Variants in UBN2 observed in about 807,000 individuals in gnomAD.
UBN2 encodes ubinuclein-2.
A neutral mutation model predicts 120.2 loss-of-function variants in UBN2; 35 were observed. The ratio of observed to expected loss-of-function variants is 0.29; its 90% CI spans 0.22 to 0.39. The LOEUF is 0.39. Among genes scored for constraint, UBN2 ranks in the 10% least tolerant of loss-of-function variants. The probability of loss-of-function intolerance (pLI) is 1.00; values close to 1 mark genes in which losing one functional copy is unlikely to be tolerated. For synonymous variants in UBN2, 661 were observed against 648.7 expected, an observed-to-expected ratio of 1.02 and a Z score of -0.29; for missense variants, 1,693 against 1,663.2, an observed-to-expected ratio of 1.02 and a Z score of -0.31.
intron 17 of UBN2, among the ~76,000 whole-genome samples, chr7:139,294,687 A>G (rs1798060283): frequency 6.6e-6 from 1 of 152,172 alleles, no homozygotes; most frequent in Non-Finnish European, 1.5e-5. Flanking sequence ...TTAAAAATAC[A>G]AAAGTTAGCC....
At chr7:139,314,943 T>C in the UBN2 span, among the ~76,000 whole-genome samples, 1 of 151,562 alleles carries the variant, frequency 6.6e-6, no homozygotes, top group South Asian at 2.1e-4. Context: ...ATGTTCATTA[T>C]GGTTATATCT....
intron 3 of UBN2, among the ~76,000 whole-genome samples, chr7:139,255,164 A>G (rs1156392706): frequency 6.6e-6 from 1 of 152,146 alleles, no homozygotes; most frequent in Non-Finnish European, 1.5e-5. Flanking sequence ...TCAGAGTTCT[A>G]CCTTTTCCAG....
At chr7:139,314,944 G>T in the UBN2 span, among the ~76,000 whole-genome samples, 1 of 150,938 alleles carries the variant, frequency 6.6e-6, no homozygotes, top group South Asian at 2.1e-4. Context: ...TGTTCATTAT[G>T]GTTATATCTT....
chr7:139,246,590 C>T lies in UBN2; in HGVS notation c.562-5366C>T, dbSNP rs548403875. On this transcript the variant is annotated intron_variant, in intron 2 of 17. Transcript: ENST00000473989. ...ATAATTTAAATAAATATAATTCATCCGTTTTAAGCGTACAGTTTGATGGAT... is the reference window on the plus strand; with the variant it reads ...ATAATTTAAATAAATATAATTCATCTGTTTTAAGCGTACAGTTTGATGGAT... Among the ~76,000 whole-genome samples the T allele has an allele frequency of 6.6e-5, 10 of 152,192 alleles. No homozygotes were observed. The East Asian group carries it at 1.7e-3, about 26-fold the overall frequency.
intron 3 of UBN2, among the ~76,000 whole-genome samples, chr7:139,252,938 TC>T (rs910103282): frequency 2.0e-5 from 3 of 152,232 alleles, no homozygotes; most frequent in Admixed American, 2.0e-4. Flanking sequence ...ATTTTAGTGT[TC>T]TTTTTTTTTA....
intron 1 of UBN2, among the ~76,000 whole-genome samples, chr7:139,232,711 C>CTA (rs1451846500): frequency 6.6e-6 from 1 of 152,016 alleles, no homozygotes; most frequent in Non-Finnish European, 1.5e-5. Context: ...TTTAAGTGTA[C>CTA]TATCATTAGT....
intron 2 of UBN2, among the ~76,000 whole-genome samples, chr7:139,238,854 TGTA>T (rs1312152198): frequency 6.6e-6 from 1 of 152,206 alleles, no homozygotes; most frequent in Admixed American, 6.5e-5. Flanking sequence ...GGAATAGCAT[TGTA>T]GTATTTAATT....
intron 15 of UBN2, among the ~76,000 whole-genome samples, chr7:139,292,072 G>A (rs550275456): frequency 6.6e-6 from 1 of 152,106 alleles, no homozygotes; most frequent in African/African-American, 2.4e-5. Context: ...GCAACATGGT[G>A]AAACCCTATC....
At chr7:139,263,930 A>G (rs1367329314) in intron 6 of UBN2, among the ~76,000 whole-genome samples, 1 of 152,162 alleles carries the variant, frequency 6.6e-6, no homozygotes, top group Non-Finnish European at 1.5e-5. Context: ...AAAGTTTAAA[A>G]TTCCATCAGA....
chr7:139,249,646 G>A (rs1796566928), intron 2 of UBN2, among the ~76,000 whole-genome samples: 1 of 152,144 alleles, frequency 6.6e-6, no homozygotes, highest in Non-Finnish European at 1.5e-5. Flanking sequence ...GGCTCACTGT[G>A]GCTTAGTGGT....
intron 2 of UBN2, among the ~76,000 whole-genome samples, chr7:139,240,465 T>TTTTA (rs1554469301): frequency 3.4e-5 from 5 of 145,354 alleles, no homozygotes; most frequent in African/African-American, 5.1e-5. Context: ...TTTTTTTTTT[T>TTTTA]AAATAATTAT....
chr7:139,289,996 C>T (rs751382659), intron 15 of UBN2, among the ~76,000 whole-genome samples: 4 of 152,036 alleles, frequency 2.6e-5, no homozygotes, highest in East Asian at 1.9e-4. Context: ...CAGGTTCAAG[C>T]GGTTCTCCTG....
At position 139,298,037 on chromosome 7, in the gene UBN2, A is replaced by C; in HGVS notation, c.*201A>C. ...CAGGAGGAAGAAATGCTTTTGTGCA[A>C]AGTTAGTGACCTTTGGTCTCTTCTA... On this transcript the variant is annotated 3_prime_UTR_variant, in exon 18 of 18. Coordinates refer to ENST00000473989, the MANE Select transcript of UBN2 (RefSeq NM_173569.4). 1.7e-6 allele frequency: 1 copy of C among 575,824 alleles called. No individual in the cohort carries two copies. The highest frequency in any genetic ancestry group is 3.1e-6 in the Non-Finnish European group (1 of 325,942). The allele number at this position is 575,824 out of a possible 1,614,324, so 35.7% of individuals were successfully genotyped here. A position where few individuals can be genotyped will look rare whatever the true frequency, so the allele number is the denominator to read the frequency against.
the UBN2 span, among the ~76,000 whole-genome samples, chr7:139,325,275 T>C: frequency 8.4e-5 from 12 of 143,570 alleles, no homozygotes; most frequent in African/African-American, 3.1e-4. Context: ...TTTTTTTTTT[T>C]TTTTTTTTTT....
In UBN2 at chr7:139,302,693, A is replaced by T. The variant is rs958217619; in HGVS notation, c.*4857A>T. 1 of 152,160 alleles carries T rather than the reference A, an allele frequency of 6.6e-6. No individual in the cohort carries two copies. Among genetic ancestry groups the T allele is most frequent in the African/African-American group, 2.4e-5 (1 of 41,438 alleles). 9.4% of individuals were successfully genotyped at this position (152,160 alleles called of 1,614,324 possible). ...GAGCAAGACTCCGTCTCAAAAAAAG[A>T]AAATAAAAGTATAGAAAAGTATCTT... On this transcript the variant is annotated 3_prime_UTR_variant, in exon 18 of 18. Coordinates refer to ENST00000473989, the MANE Select transcript of UBN2 (RefSeq NM_173569.4).
chr7:139,266,430 A>G lies in UBN2; in HGVS notation c.1466+27A>G, dbSNP rs1263727722. On this transcript the variant is annotated intron_variant, in intron 7 of 17. Coordinates refer to ENST00000473989, the MANE Select transcript of UBN2 (RefSeq NM_173569.4). ...TAAGTAATTTTCTTTAAAAAAAAAAACCTTAAGAATGATACATTAAAAAAT... is the reference window on the plus strand; with the variant it reads ...TAAGTAATTTTCTTTAAAAAAAAAAGCCTTAAGAATGATACATTAAAAAAT... The G allele has an allele frequency of 3.0e-6, 4 of 1,336,088 alleles. No homozygotes were observed. The African/African-American group carries it at 6.0e-5, about 20-fold the overall frequency. 82.8% of individuals were successfully genotyped at this position (1,336,088 alleles called of 1,614,324 possible).
At chr7:139,272,297 A>AC (rs754067317) in intron 8 of UBN2, 25 bp from the exon 9 acceptor site, 1 of 1,557,180 alleles carries the variant, frequency 6.4e-7, no homozygotes, top group Non-Finnish European at 8.7e-7. Flanking sequence ...TCTGATAAAA[A>AC]CTTCTAGTAT....
intron 2 of UBN2, among the ~76,000 whole-genome samples, chr7:139,247,155 G>GA (rs79565227): frequency 1.4e-3 from 187 of 136,392 alleles, no homozygotes; most frequent in African/African-American, 2.1e-3. Context: ...AGCTTTAAAG[G>GA]AAAAAAAAAA....
chr7:139,297,782 C>T lies in UBN2; in HGVS notation c.3995-5C>T, dbSNP rs1171399376. ...CCATACCAATTTAACGTCTCTTTTT[C>T]TCAGATGGAGGCCAAAGTAAAGGGG... On this transcript the variant is annotated splice_region_variant and splice_polypyrimidine_tract_variant and intron_variant, in intron 17 of 17. Coordinates refer to ENST00000473989, the MANE Select transcript of UBN2 (RefSeq NM_173569.4). 2.5e-6 allele frequency: 4 copies of T among 1,613,870 alleles called. No homozygotes were observed. Among genetic ancestry groups the T allele is most frequent in the Non-Finnish European group, 3.4e-6 (4 of 1,179,888 alleles).
Sources: gnomAD v4.1 joint callset for allele counts (sites outside exome capture counted in the v4.1 genomes callset) on GRCh38, gnomAD v4.1.1 for gene constraint, MANE v1.5 for transcripts, NCBI Gene and HGNC (gene_info 2026-07-23, HGNC 2026-07-21) for gene names.